Variants in COPA observed in about 807,000 individuals in gnomAD.
COPA encodes coat protein complex I subunit alpha.
In COPA, 10 loss-of-function variants were observed where a neutral mutation model predicts 158.7. The observed-to-expected ratio is 0.06, with a 90% CI of 0.04 to 0.11. COPA has a LOEUF of 0.11. Ranked by LOEUF, COPA falls within the 10% of genes least tolerant of loss-of-function variation. The probability of loss-of-function intolerance (pLI) is 1.00; values close to 1 mark genes in which losing one functional copy is unlikely to be tolerated. For synonymous variants in COPA, 462 were observed against 542.8 expected, an observed-to-expected ratio of 0.85 and a Z score of 2.07; for missense variants, 1,065 against 1,536.7, an observed-to-expected ratio of 0.69 and a Z score of 5.13.
chr1:160,304,025 T>A (rs1010094135), intron 17 of COPA, among the ~76,000 whole-genome samples: 2 of 150,670 alleles, frequency 1.3e-5, no homozygotes, highest in Non-Finnish European at 3.0e-5. Context: ...TTTTTGTTCT[T>A]TTTTTTTTGA....
chr1:160,305,112 G>A (rs1658741280), intron 17 of COPA: 1 of 198,622 alleles, frequency 5.0e-6, no homozygotes. Context: ...TGGAAACAGG[G>A]AGGGTTGTGA....
At chr1:160,303,719 G>A (rs1200490200) in intron 17 of COPA, among the ~76,000 whole-genome samples, 1 of 152,078 alleles carries the variant, frequency 6.6e-6, no homozygotes, top group Non-Finnish European at 1.5e-5. Context: ...GTTCATTAAA[G>A]GATACCATAA....
At chr1:160,336,236 G>A (rs1340119117) in intron 3 of COPA, among the ~76,000 whole-genome samples, 3 of 151,820 alleles carry the variant, frequency 2.0e-5, no homozygotes, top group Admixed American at 6.6e-5. Context: ...GGGAGGCTGC[G>A]GCAGCAGGAT....
rs1377487760 is a variant in COPA, at chr1:160,288,992, A to G, written c.*1165T>C. Among the ~76,000 whole-genome samples, 1 of 151,472 alleles carries G rather than the reference A, an allele frequency of 6.6e-6. No individual in the cohort carries two copies. The highest frequency in any genetic ancestry group is 6.6e-5 in the Admixed American group (1 of 15,208). ...CTTTTTTTCTTTCTTTTTTTTTGAG[A>G]TGGAGTCTCACTCTGTCGCCCAGGC... On this transcript the variant is annotated 3_prime_UTR_variant, in exon 33 of 33. Coordinates refer to ENST00000241704, the MANE Select transcript of COPA (RefSeq NM_004371.4).
At chr1:160,296,998 T>C (rs1300915268) in intron 21 of COPA, among the ~76,000 whole-genome samples, 2 of 152,202 alleles carry the variant, frequency 1.3e-5, no homozygotes, top group Admixed American at 6.5e-5. Context: ...CTTGACTATA[T>C]ACATGAATAA....
chr1:160,331,573 G>A (rs1368616512), intron 6 of COPA, among the ~76,000 whole-genome samples: 4 of 151,632 alleles, frequency 2.6e-5, no homozygotes, highest in Admixed American at 2.6e-4. Context: ...CTTGAATCCG[G>A]GAGGCAGAGG....
chr1:160,319,179 G>A (rs527650711), intron 8 of COPA, among the ~76,000 whole-genome samples: 2 of 152,116 alleles, frequency 1.3e-5, no homozygotes, highest in East Asian at 1.9e-4. Flanking sequence ...GACTGAAAAC[G>A]AAGGAGTGGG....
chr1:160,293,458 T>C lies in COPA; in HGVS notation c.2682A>G (p.Ile894Met), dbSNP rs1658307445. ...EDLELPPELD[I>M]SPGAAGGAED... ...CAGCCCCACCAGCTGCCCCAGGGGA[T>C]ATATCCTAGGGGAAAAACAAAAATT... Residue 894 changes from isoleucine to methionine, a missense_variant, in exon 26 of 33, where the codon ATA (isoleucine) becomes ATG (methionine). Physicochemically the swap from Ile to Met is conservative, Grantham distance 10. Transcript: ENST00000241704. The C allele has an allele frequency of 6.3e-7, 1 of 1,592,636 alleles. No homozygotes were observed. The highest frequency in any genetic ancestry group is 8.5e-7 in the Non-Finnish European group (1 of 1,173,286).
intron 17 of COPA, among the ~76,000 whole-genome samples, chr1:160,299,901 A>G (rs1183689491): frequency 6.6e-6 from 1 of 152,064 alleles, no homozygotes; most frequent in Non-Finnish European, 1.5e-5. Context: ...AAAAAACAAA[A>G]ACTACAGTAG....
intron 8 of COPA, among the ~76,000 whole-genome samples, chr1:160,316,675 G>A (rs1196153491): frequency 2.0e-5 from 3 of 151,778 alleles, no homozygotes; most frequent in East Asian, 1.9e-4. Context: ...ACTTGAACTC[G>A]GGAGGCGGAG....
chr1:160,340,692 G>A (rs773671717), intron 1 of COPA, among the ~76,000 whole-genome samples: 25 of 152,164 alleles, frequency 1.6e-4, no homozygotes, highest in Non-Finnish European at 2.4e-4. Context: ...TGGCAAGTAG[G>A]AACACAAACT....
intron 13 of COPA, among the ~76,000 whole-genome samples, chr1:160,307,449 C>T (rs1658827410): frequency 6.6e-6 from 1 of 152,244 alleles, no homozygotes; most frequent in Admixed American, 6.5e-5. Context: ...ACCACCACCC[C>T]TGCCAAGGCT....
At chr1:160,341,434 T>A (rs1648043124) in intron 1 of COPA, among the ~76,000 whole-genome samples, 1 of 152,230 alleles carries the variant, frequency 6.6e-6, no homozygotes, top group African/African-American at 2.4e-5. Context: ...GTCCGCCAAT[T>A]TTTGGCTATC....
chr1:160,319,914 C>CAAAAAAAAAAAAAAAAAAAAAAAAAAAA (rs80269064), intron 8 of COPA, among the ~76,000 whole-genome samples: 1 of 75,568 alleles, frequency 1.3e-5, no homozygotes, highest in Non-Finnish European at 2.5e-5. Context: ...ACACCTATGT[C>CAAAAAAAAAAAAAAAAAAAAAAAAAAAA]AAAAAAAAAA....
chr1:160,343,054 T>A, intron 1 of COPA, 77 bp downstream of exon 1: 1 of 1,570,924 alleles, frequency 6.4e-7, no homozygotes, highest in East Asian at 2.2e-5. Context: ...CCAACACCTC[T>A]ACCCATTTTC....
chr1:160,319,560 T>C (rs1659264613), intron 8 of COPA, among the ~76,000 whole-genome samples: 1 of 149,996 alleles, frequency 6.7e-6, no homozygotes, highest in Admixed American at 6.7e-5. Flanking sequence ...ACAGAACATT[T>C]CACCCAACGG....
At chr1:160,324,060 A>G (rs1204543323) in intron 7 of COPA, among the ~76,000 whole-genome samples, 1 of 151,826 alleles carries the variant, frequency 6.6e-6, no homozygotes, top group African/African-American at 2.4e-5. Context: ...ATGGGGTTTC[A>G]CCATCTTGGC....
intron 8 of COPA, 87 bp downstream of exon 8, chr1:160,323,344 A>T: frequency 1.1e-6 from 1 of 944,398 alleles, no homozygotes; most frequent in African/African-American, 1.7e-5. Flanking sequence ...AGGTAGAAAA[A>T]TAGGTCAGAG....
At position 160,291,862 on chromosome 1, in the gene COPA, T is replaced by A; in HGVS notation, c.3215A>T (p.Lys1072Met). ...CTGTTCTAGAGTCTCTTTGGGCAGC[T>A]TCTTCCTTTCTGTCTCCACGGACAA... ...VGLSVETERK[K>M]LPKETLEQQK... The change falls in exon 30 of 33, where the codon AAG becomes ATG. Residue 1072 changes from lysine (K) to methionine (M), a missense_variant. Coordinates refer to ENST00000241704, the MANE Select transcript of COPA (RefSeq NM_004371.4). The A allele has an allele frequency of 6.2e-7, 1 of 1,614,184 alleles. No individual in the cohort carries two copies. The highest frequency in any genetic ancestry group is 8.5e-7 in the Non-Finnish European group (1 of 1,180,034).
Sources: gnomAD v4.1 joint callset for allele counts (sites outside exome capture counted in the v4.1 genomes callset) on GRCh38, gnomAD v4.1.1 for gene constraint, MANE v1.5 for transcripts, NCBI Gene and HGNC (gene_info 2026-07-23, HGNC 2026-07-21) for gene names.